The following MCFD2 variants were observed in gnomAD, a reference collection of about 807,000 sequenced individuals.
MCFD2 encodes multiple coagulation factor deficiency 2, ER cargo receptor complex subunit, also known as multiple coagulation factor deficiency protein 2.
A neutral mutation model predicts 12.8 loss-of-function variants in MCFD2; 11 were observed. The ratio of observed to expected loss-of-function variants is 0.86; its 90% CI spans 0.54 to 1.42. The LOEUF is 1.42. Ranked by LOEUF, MCFD2 falls within the 40% of genes most tolerant of loss-of-function variation. The pLI, the probability that MCFD2 is intolerant of heterozygous loss-of-function variation, is 0.00. For synonymous variants in MCFD2, 70 were observed against 68.1 expected (o/e 1.03, Z -0.14); for missense variants, 191 against 178.6 (o/e 1.07, Z -0.40).
At chr2:46,930,788 C>T (rs1337898982) in intron 1 of MCFD2, among the ~76,000 whole-genome samples, 2 of 152,108 alleles carry the variant, frequency 1.3e-5, no homozygotes, top group East Asian at 1.9e-4. Flanking sequence ...GCGTGAGCCA[C>T]CGCACCCAGC....
rs1268190071 is a variant in MCFD2, at chr2:46,937,133, G to A, written c.-8+4439C>T. On this transcript the variant is annotated intron_variant, in intron 1 of 2. Transcript: ENST00000409147. The surrounding 1 kb of genome is among the most constrained non-coding windows in gnomAD (Gnocchi z 4.0). Reference sequence around the variant, plus strand: ...GGCCTCCCAAAGTGCTAGGATTACAGGAGTGAGCCACCATGCCCAACCCCA... The same window carrying A: ...GGCCTCCCAAAGTGCTAGGATTACAAGAGTGAGCCACCATGCCCAACCCCA... Among the ~76,000 whole-genome samples, 1 of 152,154 alleles carries A rather than the reference G, an allele frequency of 6.6e-6. No homozygotes were observed. Among genetic ancestry groups the A allele is most frequent in the East Asian group, 1.9e-4 (1 of 5,200 alleles).
At chr2:46,905,689 G>C (rs1452202280) in intron 3 of MCFD2, 95 bp from the exon 4 acceptor site, 3 of 503,190 alleles carry the variant, frequency 6.0e-6, no homozygotes, top group Admixed American at 6.7e-5. Flanking sequence ...TCATGGCACT[G>C]TTTATTAAAA....
intron 1 of MCFD2, among the ~76,000 whole-genome samples, chr2:46,926,591 A>T (rs1163070755): frequency 6.6e-6 from 1 of 152,168 alleles, no homozygotes; most frequent in East Asian, 1.9e-4. Flanking sequence ...AGATTTTTTG[A>T]ATAAGGTGAT....
At chr2:46,929,764 G>A (rs1315102626) in intron 1 of MCFD2, among the ~76,000 whole-genome samples, 1 of 152,194 alleles carries the variant, frequency 6.6e-6, no homozygotes, top group East Asian at 1.9e-4. Context: ...TATTCACAAA[G>A]ATTCACTGCC....
chr2:46,927,698 C>T (rs1180323644), intron 1 of MCFD2, among the ~76,000 whole-genome samples: 1 of 151,938 alleles, frequency 6.6e-6, no homozygotes, highest in Admixed American at 6.6e-5. Flanking sequence ...AGACGGCTGA[C>T]TTCTCACAAC....
upstream of MCFD2, chr2:46,917,292 C>T (rs751779330): frequency 2.7e-4 from 177 of 659,180 alleles, no homozygotes; most frequent in South Asian, 1.2e-3. Context: ...GCCACCGCGC[C>T]GGGACAAAGA....
At chr2:46,934,903 C>T (rs377276547) in intron 1 of MCFD2, among the ~76,000 whole-genome samples, 5 of 141,224 alleles carry the variant, frequency 3.5e-5, no homozygotes, top group Non-Finnish European at 7.5e-5. Context: ...CGGGTTCAAG[C>T]GATTCTCTTG....
upstream of MCFD2, among the ~76,000 whole-genome samples, chr2:46,919,550 A>T (rs1668990806): frequency 6.6e-6 from 1 of 152,160 alleles, no homozygotes; most frequent in Non-Finnish European, 1.5e-5. Context: ...AATAAATAAG[A>T]CTTTAGGTAA....
chr2:46,915,861 C>T (rs1668748048), upstream of MCFD2: 6 of 981,578 alleles, frequency 6.1e-6, no homozygotes, highest in Non-Finnish European at 7.2e-6. Context: ...CCCTGCCGCC[C>T]GCCCATTGGC....
intron 1 of MCFD2, among the ~76,000 whole-genome samples, chr2:46,933,183 T>C (rs1572653976): frequency 1.3e-5 from 2 of 151,924 alleles, no homozygotes; most frequent in South Asian, 2.1e-4. Context: ...CAAAATGACA[T>C]AGAAGCCACT....
At position 46,903,038 on chromosome 2, in the gene MCFD2, A is replaced by G. The variant is rs918988461; in HGVS notation, c.*2425T>C. The G allele has an allele frequency of 6.6e-6, 1 of 152,206 alleles. No homozygotes were observed. The highest frequency in any genetic ancestry group is 1.5e-5 in the Non-Finnish European group (1 of 68,030). The allele number at this position is 152,206 out of a possible 1,614,324, so 9.4% of individuals were successfully genotyped here. A position where few individuals can be genotyped will look rare whatever the true frequency, so the allele number is the denominator to read the frequency against. ...TGGTTGTGTCCCCCCACAAATCTCA[A>G]CTTGAATTGTATCTCCCAGAATTCC... On this transcript the variant is annotated 3_prime_UTR_variant, in exon 4 of 4. Transcript: ENST00000319466.
chr2:46,918,840 C>T (rs1668952399), upstream of MCFD2, among the ~76,000 whole-genome samples: 2 of 152,210 alleles, frequency 1.3e-5, no homozygotes, highest in Admixed American at 1.3e-4. Context: ...TTGGAAATAA[C>T]TGATTTGAAA....
At chr2:46,921,801 G>T (rs372581388) in intron 1 of MCFD2, among the ~76,000 whole-genome samples, 24 of 152,102 alleles carry the variant, frequency 1.6e-4, no homozygotes, top group African/African-American at 5.8e-4. Context: ...GTGCAACCTA[G>T]ATCCCTTACA....
intron 1 of MCFD2, among the ~76,000 whole-genome samples, chr2:46,911,836 G>C (rs1241258868): frequency 6.6e-6 from 1 of 152,120 alleles, no homozygotes; most frequent in Non-Finnish European, 1.5e-5. Context: ...TGCGGCAGGA[G>C]AATGGCATGA....
Position 46,905,608 on chromosome 2 carries a change from A to T in MCFD2, c.310-14T>A, listed in dbSNP as rs146022620. 141 of 1,611,840 alleles carry T rather than the reference A, an allele frequency of 8.7e-5. 1 individual carries two copies. The African/African-American group carries it at 1.4e-3, about 16-fold the overall frequency. The stretch of plus-strand genomic sequence containing the variant: ...TTCACTCCCTTCCTACAAAATACAA[A>T]TTAGACAATGATGAGTTGCGCATTT... On this transcript the variant is annotated splice_polypyrimidine_tract_variant and intron_variant, in intron 3 of 3. Coordinates refer to ENST00000319466, the MANE Select transcript of MCFD2 (RefSeq NM_139279.6).
At position 46,905,628 on chromosome 2, in the gene MCFD2, G is replaced by A. The variant is rs142146200; in HGVS notation, c.310-34C>T. 1.7e-4 allele frequency: 272 copies of A among 1,594,254 alleles called. 1 individual carries two copies. The African/African-American group carries it at 3.1e-3, about 18-fold the overall frequency. On this transcript the variant is annotated intron_variant, in intron 3 of 3. Transcript: ENST00000319466. ...TACAAATTAGACAATGATGAGTTGC[G>A]CATTTTACCGGAAGAAGTGCTTAAC...
intron 3 of MCFD2, chr2:46,906,103 C>T (rs1668221574): frequency 2.3e-6 from 1 of 437,998 alleles, no homozygotes; most frequent in Non-Finnish European, 4.7e-6. Flanking sequence ...TCCCATGCTC[C>T]AAGAGCAGGG....
chr2:46,910,320 A>G (rs1299885378), intron 1 of MCFD2, among the ~76,000 whole-genome samples: 2 of 152,184 alleles, frequency 1.3e-5, no homozygotes, highest in South Asian at 4.1e-4. Context: ...GACCTCAAAA[A>G]GGAAGGTGAA....
intron 1 of MCFD2, among the ~76,000 whole-genome samples, chr2:46,928,355 C>T (rs1669509199): frequency 6.6e-6 from 1 of 151,604 alleles, no homozygotes; most frequent in Non-Finnish European, 1.5e-5. Context: ...TCAACTATGT[C>T]CTCCACACAG....
Sources: allele counts gnomAD v4.1 joint callset (sites outside exome capture counted in the v4.1 genomes callset), GRCh38; gene constraint gnomAD v4.1.1; non-coding constraint Gnocchi (gnomAD v3.1); transcripts MANE v1.5; gene names NCBI Gene and HGNC (gene_info 2026-07-23, HGNC 2026-07-21).